The following GNB1 variants were observed in gnomAD, a reference collection of about 807,000 sequenced individuals.
The protein encoded by GNB1 is guanine nucleotide-binding protein G(I)/G(S)/G(T) subunit beta-1.
GNB1 carries 2 observed loss-of-function variants against 42.9 expected under a neutral mutation model. That is an observed-to-expected ratio of 0.05 (90% CI 0.02 to 0.15). The LOEUF (loss-of-function observed/expected upper bound fraction) is 0.15, where lower values mean the gene tolerates loss of function less well. GNB1 is among the 10% of genes least tolerant of loss of function. GNB1 has a pLI of 1.00. For missense variants in GNB1, 193 were observed against 462.2 expected (o/e 0.42, Z 5.34); for synonymous variants, 183 against 174.7 (o/e 1.05, Z -0.38).
At chr1:1,814,347 C>G (rs1348401137) in intron 5 of GNB1, among the ~76,000 whole-genome samples, 1 of 152,180 alleles carries the variant, frequency 6.6e-6, no homozygotes, top group African/African-American at 2.4e-5. Flanking sequence ...TCAGGTGCTT[C>G]AACGAGCATG....
chr1:1,818,125 G>C, intron 3 of GNB1: 1 of 359,824 alleles, frequency 2.8e-6, no homozygotes, highest in Non-Finnish European at 5.4e-6. Context: ...AATATTCCTG[G>C]GGACCCACAG....
chr1:1,816,761 G>A (rs1390318599), intron 4 of GNB1, among the ~76,000 whole-genome samples: 1 of 149,248 alleles, frequency 6.7e-6, no homozygotes, highest in African/African-American at 2.5e-5. Context: ...CAATTCTCCT[G>A]CCTCAGCCCC....
At chr1:1,850,490 T>C (rs1460984261) in intron 1 of GNB1, among the ~76,000 whole-genome samples, 1 of 151,906 alleles carries the variant, frequency 6.6e-6, no homozygotes, top group Non-Finnish European at 1.5e-5. Flanking sequence ...TGGATTTCTA[T>C]TGACCTATCT....
intron 1 of GNB1, among the ~76,000 whole-genome samples, chr1:1,889,655 C>T (rs1173111552): frequency 7.7e-6 from 1 of 130,588 alleles, no homozygotes; most frequent in Non-Finnish European, 1.6e-5. Flanking sequence ...GAGATCCCAT[C>T]TCTTAAAAAA....
chr1:1,825,275 C>G, intron 3 of GNB1, 122 bp downstream of exon 3: 1 of 752,468 alleles, frequency 1.3e-6, no homozygotes, highest in Non-Finnish European at 2.4e-6. Context: ...CCTGGGCCAA[C>G]TAAGATTCAA....
chr1:1,871,278 G>A (rs965591192), intron 1 of GNB1, among the ~76,000 whole-genome samples: 14 of 152,122 alleles, frequency 9.2e-5, no homozygotes, highest in African/African-American at 3.4e-4. Flanking sequence ...TGACCAACAT[G>A]GTGAAACCCC....
At chr1:1,889,632 T>A in intron 1 of GNB1, among the ~76,000 whole-genome samples, 1 of 138,518 alleles carries the variant, frequency 7.2e-6, no homozygotes, top group Non-Finnish European at 1.5e-5. Flanking sequence ...GTTAACAGGA[T>A]CTCTTTTACA....
intron 1 of GNB1, among the ~76,000 whole-genome samples, chr1:1,881,409 G>A (rs544708484): frequency 2.1e-4 from 30 of 144,116 alleles, no homozygotes; most frequent in Non-Finnish European, 3.6e-4. Flanking sequence ...GAGCTCTCGA[G>A]GTAAAAGTTC....
intron 7 of GNB1, among the ~76,000 whole-genome samples, chr1:1,802,541 G>A (rs1646639267): frequency 1.3e-5 from 2 of 152,118 alleles, no homozygotes; most frequent in Admixed American, 6.5e-5. Flanking sequence ...GGCCGAGGCA[G>A]GCAGATCACT....
At chr1:1,854,399 A>C (rs1438959679) in intron 1 of GNB1, among the ~76,000 whole-genome samples, 1 of 152,194 alleles carries the variant, frequency 6.6e-6, no homozygotes, top group Admixed American at 6.5e-5. Context: ...TGAGAGACAA[A>C]TTAACTTTAT....
Position 1,877,280 on chromosome 1 carries a change from A to G in GNB1, c.-96+13540T>C, listed in dbSNP as rs569198943. ...GCGCCTCTGCACTCCAGCCTGGGCA[A>G]TAAGTGAGACTCTGTCTCAAAAAAA... On this transcript the variant is annotated intron_variant, in intron 1 of 11. Coordinates refer to ENST00000378609, the MANE Select transcript of GNB1 (RefSeq NM_002074.5). Among the ~76,000 whole-genome samples, 19 of 148,624 alleles carry G rather than the reference A, an allele frequency of 1.3e-4. 1 individual carries two copies. In the South Asian group the frequency reaches 3.0e-3, roughly 24 times the overall value.
rs561078490 is a variant in GNB1, at chr1:1,795,171, C to T, written c.431-1860G>A. Among the ~76,000 whole-genome samples, 20 of 152,312 alleles carry T rather than the reference C, an allele frequency of 1.3e-4. No individual in the cohort carries two copies. In the South Asian group the frequency reaches 4.1e-3, roughly 32 times the overall value. On this transcript the variant is annotated intron_variant, in intron 7 of 11. Coordinates refer to ENST00000378609, the MANE Select transcript of GNB1 (RefSeq NM_002074.5). ...GCTCAGAGGAGGATAGCCCTGCATACCTGGCGCCCCCTGTAGTGCCCTGCA... is the reference window on the plus strand; with the variant it reads ...GCTCAGAGGAGGATAGCCCTGCATATCTGGCGCCCCCTGTAGTGCCCTGCA...
rs1424443121 is a variant in GNB1 at position 1,869,209 on chromosome 1, AAAGAAT to A, written c.-96+21605_-96+21610del. On this transcript the variant is annotated intron_variant, in intron 1 of 11. Transcript: ENST00000378609. ...TCAAAAAAAAAAAAAAAAAAAAAAAAAAGAATAAGTTACTTACAAAAAAGAAGCAAA... is the reference window on the plus strand; with the variant it reads ...TCAAAAAAAAAAAAAAAAAAAAAAAAAAGTTACTTACAAAAAAGAAGCAAA... 7.3e-5 allele frequency among the ~76,000 whole-genome samples: 11 copies of A among 151,470 alleles called. No individual in the cohort carries two copies. The South Asian group carries it at 1.0e-3, about 14-fold the overall frequency.
chr1:1,858,845 C>T (rs527930698), intron 1 of GNB1, among the ~76,000 whole-genome samples: 1 of 152,284 alleles, frequency 6.6e-6, no homozygotes, highest in Non-Finnish European at 1.5e-5. Context: ...GCCCTGTTTG[C>T]AGTGGCTGCT....
At chr1:1,821,694 G>A (rs1314888949) in intron 3 of GNB1, among the ~76,000 whole-genome samples, 2 of 152,218 alleles carry the variant, frequency 1.3e-5, no homozygotes, top group Admixed American at 6.5e-5. Flanking sequence ...CCTAGTGAAC[G>A]TCCCACCGCG....
Position 1,787,486 on chromosome 1 carries a change from C to T in GNB1, c.917-49G>A, listed in dbSNP as rs1469153923. The T allele has an allele frequency of 5.3e-6, 6 of 1,121,970 alleles. No individual in the cohort carries two copies. Among genetic ancestry groups the T allele is most frequent in the Non-Finnish European group, 8.1e-6 (6 of 736,260 alleles). The allele number at this position is 1,121,970 out of a possible 1,614,324, so 69.5% of individuals were successfully genotyped here. A position where few individuals can be genotyped will look rare whatever the true frequency, so the allele number is the denominator to read the frequency against. On this transcript the variant is annotated intron_variant, in intron 10 of 11. Transcript: ENST00000378609. This position sits in a 1 kb window ranked among gnomAD's most constrained non-coding sequence, Gnocchi z 4.4. ...CACACCAAAGCCCAGAGGCATCGAT[C>T]TCACCTGTGTGCCATGTTGTGACGA...
chr1:1,792,158 T>A (rs1400816074), intron 8 of GNB1, among the ~76,000 whole-genome samples: 1 of 151,988 alleles, frequency 6.6e-6, no homozygotes, highest in African/African-American at 2.4e-5. Flanking sequence ...AATGAAAAAA[T>A]TCTAGCATTT....
At chr1:1,804,141 A>G (rs1646664169) in intron 7 of GNB1, among the ~76,000 whole-genome samples, 2 of 148,320 alleles carry the variant, frequency 1.3e-5, no homozygotes, top group South Asian at 4.3e-4. Flanking sequence ...AAAATACAAA[A>G]AAGAAATTAG....
At chr1:1,834,667 CT>C (rs746491020) in intron 2 of GNB1, among the ~76,000 whole-genome samples, 2,189 of 126,296 alleles carry the variant, frequency 0.017, 42 homozygotes, top group African/African-American at 0.055. Context: ...ACTCCAAGCA[CT>C]TTTTTTTTTT....
Sources: allele counts gnomAD v4.1 joint callset (sites outside exome capture counted in the v4.1 genomes callset), GRCh38; gene constraint gnomAD v4.1.1; non-coding constraint Gnocchi (gnomAD v3.1); transcripts MANE v1.5; gene names NCBI Gene and HGNC (gene_info 2026-07-23, HGNC 2026-07-21).